Variants in TTLL4 observed in about 807,000 individuals in gnomAD.
The protein encoded by TTLL4 is tubulin monoglutamylase TTLL4.
TTLL4 carries 85 observed loss-of-function variants against 122.7 expected under a neutral mutation model. That is an observed-to-expected ratio of 0.69 (90% CI 0.58 to 0.83). The LOEUF (loss-of-function observed/expected upper bound fraction) is 0.83, where lower values mean the gene tolerates loss of function less well. TTLL4 is among the 40% of genes least tolerant of loss of function. The pLI, the probability that TTLL4 is intolerant of heterozygous loss-of-function variation, is 0.00. For synonymous variants in TTLL4, 553 were observed against 563.0 expected (o/e 0.98, Z 0.25); for missense variants, 1,363 against 1,488.6 (o/e 0.92, Z 1.39).
In TTLL4 at chr2:218,740,527, C is replaced by T. The variant is rs1319949085; in HGVS notation, c.1604C>T (p.Ser535Leu). Residue 535 changes from serine (S) to leucine (L), a missense_variant, in exon 5 of 20, where the codon TCA (serine) becomes TTA (leucine). Physicochemically the swap from Ser to Leu is moderately radical, Grantham distance 145. Around this residue, in one of 3 missense-constraint regions of TTLL4, gnomAD observed 760 missense variants for 808.4 expected, o/e 0.94. Transcript: ENST00000392102. Reference sequence around the variant, plus strand: ...CTGTTCTTCCTTCCTCTAGGAGACTCAGAGTGCTCCTCATTAAGTGCTGTC... The same window carrying T: ...CTGTTCTTCCTTCCTCTAGGAGACTTAGAGTGCTCCTCATTAAGTGCTGTC... ...RDENEEEEGD[S>L]ECSSLSAVSP... The T allele has an allele frequency of 8.1e-6, 13 of 1,614,154 alleles. No homozygotes were observed. The highest frequency in any genetic ancestry group is 1.1e-5 in the Non-Finnish European group (13 of 1,180,000).
intron 1 of TTLL4, among the ~76,000 whole-genome samples, chr2:218,724,887 C>G (rs1323767306): frequency 6.6e-6 from 1 of 151,864 alleles, no homozygotes; most frequent in Non-Finnish European, 1.5e-5. Context: ...ACAGCTTATA[C>G]TTATTTTATT....
intron 2 of TTLL4, among the ~76,000 whole-genome samples, chr2:218,730,331 A>AAAAAAAATT (rs1942339051): frequency 1.2e-5 from 1 of 82,986 alleles, no homozygotes; most frequent in Non-Finnish European, 2.6e-5. Context: ...AAAAAAAAAA[A>AAAAAAAATT]AAAAAAAAAA....
rs148659460 is a variant in TTLL4 at position 218,739,067 on chromosome 2, A to G, written c.1391A>G (p.Asn464Ser). Residue 464 changes from asparagine (N) to serine (S), a missense_variant, in exon 3 of 20, where the codon AAC becomes AGC. Asn to Ser is a conservative substitution (Grantham distance 46). This residue lies in a region of TTLL4 where 760 missense variants were observed against 808.4 expected (regional missense o/e 0.94). Transcript: ENST00000392102. Reference protein sequence around the residue: ...PPFPQTLGIANVATRLSSIQL... With the variant: ...PPFPQTLGIASVATRLSSIQL... ...TTTCCTCAAACTCTTGGCATAGCCA[A>G]CGTGGCCACCCGCCTCTCTTCCATC... is the stretch of plus-strand genomic sequence containing the variant. The G allele has an allele frequency of 2.2e-4, 353 of 1,613,702 alleles. 1 individual carries two copies. The African/African-American group carries it at 3.5e-3, about 16-fold the overall frequency.
At chr2:218,759,240 C>T (rs996286741), downstream of TTLL4, among the ~76,000 whole-genome samples, 9 of 150,394 alleles carry the variant, frequency 6.0e-5, no homozygotes, top group Admixed American at 4.0e-4. Context: ...AGCAACACTC[C>T]GTCTCAATAA....
chr2:218,744,667 A>G (rs965190874), intron 5 of TTLL4, among the ~76,000 whole-genome samples: 2 of 152,278 alleles, frequency 1.3e-5, no homozygotes, highest in Middle Eastern at 6.8e-3. Flanking sequence ...TTTTTTATTT[A>G]AAAGTCTCTA....
At chr2:218,729,763 CAAAA>C (rs1303308653) in intron 2 of TTLL4, among the ~76,000 whole-genome samples, 1 of 129,770 alleles carries the variant, frequency 7.7e-6, no homozygotes, top group African/African-American at 2.8e-5. Context: ...AAAAAAAAAA[CAAAA>C]AAAAAAAAAA....
At chr2:218,719,345 A>G (rs773350894) in intron 1 of TTLL4, among the ~76,000 whole-genome samples, 1 of 152,148 alleles carries the variant, frequency 6.6e-6, no homozygotes, top group Non-Finnish European at 1.5e-5. Context: ...TAGCCTTGGG[A>G]AAGTATCACG....
At position 218,710,928 on chromosome 2, in the gene TTLL4, TG is replaced by T. The variant is rs1252972724; in HGVS notation, c.-285del. The stretch of plus-strand genomic sequence containing the variant: ...GGCGGCCGAGTGCGCTTGTCACGCG[TG>T]GCGGTGCGTGGTTGCTAGGGGCGCC... On this transcript the variant is annotated 5_prime_UTR_variant, in exon 1 of 20. Coordinates refer to ENST00000392102, the MANE Select transcript of TTLL4 (RefSeq NM_014640.5). 1.3e-5 allele frequency: 2 copies of T among 152,658 alleles called. No homozygotes were observed. Among genetic ancestry groups the T allele is most frequent in the Admixed American group, 1.3e-4 (2 of 15,286 alleles). 9.5% of individuals were successfully genotyped at this position (152,658 alleles called of 1,614,324 possible).
At chr2:218,727,570 T>C (rs1942231928) in intron 2 of TTLL4, among the ~76,000 whole-genome samples, 1 of 152,028 alleles carries the variant, frequency 6.6e-6, no homozygotes, top group African/African-American at 2.4e-5. Flanking sequence ...ACCCTGTCTT[T>C]GCTAAAAATA....
At position 218,738,236 on chromosome 2, in the gene TTLL4, C is replaced by T. The variant is rs758811791; in HGVS notation, c.560C>T (p.Ala187Val). 2.5e-5 allele frequency: 41 copies of T among 1,613,920 alleles called. No individual in the cohort carries two copies. Among genetic ancestry groups the T allele is most frequent in the Middle Eastern group, 1.6e-4 (1 of 6,084 alleles). Residue 187 changes from alanine to valine, a missense_variant, in exon 3 of 20, where the codon GCG becomes GTG. Coordinates refer to ENST00000392102, the MANE Select transcript of TTLL4 (RefSeq NM_014640.5). ...ACAGAACCATACCTCTGCTTGGCAG[C>T]GGCTGGGGAAAACCCTTCAGGGAAG... is the stretch of plus-strand genomic sequence containing the variant. ...SSTEPYLCLA[A>V]AGENPSGKSL...
At chr2:218,714,605 CG>C (rs1331680439) in intron 1 of TTLL4, among the ~76,000 whole-genome samples, 1 of 152,102 alleles carries the variant, frequency 6.6e-6, no homozygotes, top group Non-Finnish European at 1.5e-5. Flanking sequence ...CCTTGTCCTT[CG>C]GAGCCCTCAT....
chr2:218,744,139 T>A lies in TTLL4; in HGVS notation c.1662-970T>A, dbSNP rs142347300. ...ATTGGGAATTAGTATTTAACTTGAT[T>A]CCATAAAATTCATTAAAAATCTTTA... On this transcript the variant is annotated intron_variant, in intron 5 of 19. Coordinates refer to ENST00000392102, the MANE Select transcript of TTLL4 (RefSeq NM_014640.5). Among the ~76,000 whole-genome samples the A allele has an allele frequency of 2.6e-3, 392 of 152,368 alleles. 4 individuals carry two copies. Among genetic ancestry groups the A allele is most frequent in the African/African-American group, 9.1e-3 (377 of 41,590 alleles).
intron 2 of TTLL4, among the ~76,000 whole-genome samples, chr2:218,732,570 CATT>C (rs1407356390): frequency 6.6e-6 from 1 of 152,172 alleles, no homozygotes; most frequent in East Asian, 1.9e-4. Context: ...GGGTGCCAGA[CATT>C]ATTTGCCTCT....
chr2:218,721,567 G>A (rs1942041463), intron 1 of TTLL4, among the ~76,000 whole-genome samples: 1 of 152,168 alleles, frequency 6.6e-6, no homozygotes, highest in Admixed American at 6.5e-5. Context: ...CTTGGTGTGT[G>A]TGCCTCACAC....
chr2:218,721,361 C>T (rs1273717223), intron 1 of TTLL4, among the ~76,000 whole-genome samples: 4 of 152,160 alleles, frequency 2.6e-5, no homozygotes, highest in Non-Finnish European at 5.9e-5. Flanking sequence ...TGCGTCACCG[C>T]GCCTGGCCAG....
chr2:218,740,013 CTT>C (rs767575147), intron 3 of TTLL4, 43 bp from the exon 4 acceptor site: 13 of 1,572,282 alleles, frequency 8.3e-6, no homozygotes, highest in Middle Eastern at 1.7e-4. Context: ...ACTGTGACCT[CTT>C]TGATGGAGTT....
intron 2 of TTLL4, among the ~76,000 whole-genome samples, chr2:218,731,177 G>A (rs866621391): frequency 4.6e-5 from 7 of 151,864 alleles, no homozygotes; most frequent in Middle Eastern, 3.4e-3. Context: ...TTGAGAGGCC[G>A]AGGTGGGTGG....
rs79096686 is a variant in TTLL4, at chr2:218,732,891, C to T, written c.-98-4688C>T. ...AGCAACCATCATTTCCCTGTCTTAA[C>T]GTGACACTACTTCTGAACCTCAAAC... On this transcript the variant is annotated intron_variant, in intron 2 of 19. Coordinates refer to ENST00000392102, the MANE Select transcript of TTLL4 (RefSeq NM_014640.5). Among the ~76,000 whole-genome samples the T allele has an allele frequency of 6.6e-5, 10 of 152,304 alleles. No homozygotes were observed. The East Asian group carries it at 1.5e-3, about 23-fold the overall frequency.
intron 2 of TTLL4, among the ~76,000 whole-genome samples, chr2:218,736,875 G>A (rs1942540229): frequency 6.7e-6 from 1 of 150,112 alleles, no homozygotes; most frequent in Non-Finnish European, 1.5e-5. Context: ...TCTGAGATGG[G>A]GTCTCACTCT....
Sources: allele counts gnomAD v4.1 joint callset (sites outside exome capture counted in the v4.1 genomes callset), GRCh38; gene constraint gnomAD v4.1.1; regional missense constraint gnomAD v4.1.1; transcripts MANE v1.5; gene names NCBI Gene and HGNC (gene_info 2026-07-23, HGNC 2026-07-21).